TECTA: variants seen among roughly 807,000 people sequenced by gnomAD.
The protein encoded by TECTA is tectorin alpha.
TECTA carries 128 observed loss-of-function variants against 216.8 expected under a neutral mutation model. The ratio of observed to expected loss-of-function variants is 0.59; its 90% CI spans 0.51 to 0.68. The LOEUF (loss-of-function observed/expected upper bound fraction) is 0.68, where lower values mean the gene tolerates loss of function less well. Ranked by LOEUF, TECTA falls within the 30% of genes least tolerant of loss-of-function variation. The pLI, the probability that TECTA is intolerant of heterozygous loss-of-function variation, is 0.00. For synonymous variants in TECTA, 1,089 were observed against 1,117.1 expected (o/e 0.97, Z 0.50); for missense variants, 2,551 against 2,786.2 (o/e 0.92, Z 1.90).
Position 121,191,229 on chromosome 11 carries a change from T to C in TECTA, c.*423T>C. 3.5e-6 allele frequency: 1 copy of C among 287,980 alleles called. No homozygotes were observed. Among genetic ancestry groups the C allele is most frequent in the Middle Eastern group, 1.2e-3 (1 of 808 alleles). The allele number at this position is 287,980 out of a possible 1,614,324, so 17.8% of individuals were successfully genotyped here. A position where few individuals can be genotyped will look rare whatever the true frequency, so the allele number is the denominator to read the frequency against. The stretch of plus-strand genomic sequence containing the variant: ...GATTTTGAAGTGATGACTGGAAGGT[T>C]TGACTCCCTCTAAGGAATCTTGCTG... On this transcript the variant is annotated 3_prime_UTR_variant, in exon 24 of 24. Transcript: ENST00000392793.
rs375736414 is a variant in TECTA at position 121,118,684 on chromosome 11, T to C, written c.1169T>C (p.Ile390Thr). 1.4e-5 allele frequency: 23 copies of C among 1,613,822 alleles called. No individual in the cohort carries two copies. Among genetic ancestry groups the C allele is most frequent in the Non-Finnish European group, 1.9e-5 (23 of 1,180,032 alleles). ...TCAGTGGAGGTGAATGGCTACAAGA[T>C]TCTCATCCCCAAAGGAAGCTATGGA... is the stretch of plus-strand genomic sequence containing the variant. ...ELSVEVNGYK[I>T]LIPKGSYGRV... The change falls in exon 7 of 24, where the codon ATT becomes ACT. Residue 390 changes from isoleucine to threonine, a missense_variant. Transcript: ENST00000392793.
chr11:121,130,441 C>G (rs1364500223), intron 10 of TECTA, among the ~76,000 whole-genome samples: 1 of 152,198 alleles, frequency 6.6e-6, no homozygotes, highest in African/African-American at 2.4e-5. Flanking sequence ...CACTGCAGAA[C>G]AATTAACCAT....
chr11:121,129,758 A>G lies in TECTA; in HGVS notation c.2488A>G (p.Ile830Val), dbSNP rs1035560730. 1 of 1,614,236 alleles carries G rather than the reference A, an allele frequency of 6.2e-7. No individual in the cohort carries two copies. Among genetic ancestry groups the G allele is most frequent in the African/African-American group, 1.3e-5 (1 of 75,058 alleles). The stretch of plus-strand genomic sequence containing the variant: ...CGTGGTGACTGTCCAGTACTCAGAC[A>G]TAGGTCTATTGTACATCCGGCTGTC... Reference protein sequence around the residue: ...KGVVTVQYSDIGLLYIRLSTT... With the variant: ...KGVVTVQYSDVGLLYIRLSTT... The change falls in exon 10 of 24, where the codon ATA (isoleucine) becomes GTA (valine). Residue 830 changes from isoleucine (I) to valine (V), a missense_variant. Physicochemically the swap from Ile to Val is conservative, Grantham distance 29 (BLOSUM62 3). Transcript: ENST00000392793.
chr11:121,140,416 C>T (rs1322069596), intron 11 of TECTA, among the ~76,000 whole-genome samples: 1 of 152,204 alleles, frequency 6.6e-6, no homozygotes, highest in African/African-American at 2.4e-5. Flanking sequence ...GCCCCAATCT[C>T]ACGAGATGCA....
Position 121,191,006 on chromosome 11 carries a change from C to CA in TECTA, c.*202dup. ...TTCAGAGTATGAAACGGGGCTTCTACAAGCCAGTTATGGAAAGTATCTCTC... is the reference window on the plus strand; with the variant it reads ...TTCAGAGTATGAAACGGGGCTTCTACAAAGCCAGTTATGGAAAGTATCTCTC... On this transcript the variant is annotated 3_prime_UTR_variant, in exon 24 of 24. Transcript: ENST00000392793. The CA allele has an allele frequency of 2.0e-6, 1 of 512,142 alleles. No individual in the cohort carries two copies. Among genetic ancestry groups the CA allele is most frequent in the South Asian group, 2.0e-5 (1 of 49,400 alleles). The allele number at this position is 512,142 out of a possible 1,614,324, so 31.7% of individuals were successfully genotyped here. A position where few individuals can be genotyped will look rare whatever the true frequency, so the allele number is the denominator to read the frequency against.
intron 7 of TECTA, among the ~76,000 whole-genome samples, chr11:121,119,328 C>A (rs1946534868): frequency 6.6e-6 from 1 of 152,146 alleles, no homozygotes; most frequent in Non-Finnish European, 1.5e-5. Flanking sequence ...TGGGAAAGTC[C>A]CATGAAAGCT....
Position 121,137,521 on chromosome 11 carries a change from T to C in TECTA, c.3042T>C (p.Ser1014=), listed in dbSNP as rs1421449135. 6.2e-7 allele frequency: 1 copy of C among 1,613,932 alleles called. No individual in the cohort carries two copies. Among genetic ancestry groups the C allele is most frequent in the Non-Finnish European group, 8.5e-7 (1 of 1,179,956 alleles). Reference sequence around the variant, plus strand: ...GCCCCATCTGCGTGGATAGCTGCTCTGAGGGATGTCAGTGTGATGAGGGCT... The same window carrying C: ...GCCCCATCTGCGTGGATAGCTGCTCCGAGGGATGTCAGTGTGATGAGGGCT... ...TLGPICVDSC[S]EGCQCDEGYA... is the part of the protein sequence containing the mutation. The change falls in exon 11 of 24, where the codon TCT becomes TCC. Residue 1014 remains serine (S), a synonymous_variant. Coordinates refer to ENST00000392793, the MANE Select transcript of TECTA (RefSeq NM_005422.4).
chr11:121,116,164 A>T (rs1946499404), intron 6 of TECTA, among the ~76,000 whole-genome samples: 1 of 152,212 alleles, frequency 6.6e-6, no homozygotes, highest in African/African-American at 2.4e-5. Flanking sequence ...AGCTGGTATT[A>T]ACTGGATAGG....
At chr11:121,157,768 A>AGG in intron 13 of TECTA, 73 bp from the exon 14 acceptor site, 2 of 1,607,820 alleles carry the variant, frequency 1.2e-6, no homozygotes, top group Non-Finnish European at 1.7e-6. Flanking sequence ...ATAAAAGACG[A>AGG]GGGGGACTGG....
chr11:121,152,684 C>G (rs1387945338), intron 12 of TECTA, among the ~76,000 whole-genome samples, 197 bp from the exon 13 acceptor site: 2 of 152,092 alleles, frequency 1.3e-5, no homozygotes, highest in Non-Finnish European at 2.9e-5. Context: ...CATGTTGGCC[C>G]TTTATTTAAG....
At chr11:121,120,624 G>A (rs369150750) in intron 7 of TECTA, among the ~76,000 whole-genome samples, 88 of 152,332 alleles carry the variant, frequency 5.8e-4, no homozygotes, top group African/African-American at 2.0e-3. Context: ...GCTGGGATTA[G>A]GAGCTGGGTT....
chr11:121,179,458 G>T lies in TECTA; in HGVS notation c.6000-8374G>T, dbSNP rs765647519. Among the ~76,000 whole-genome samples the T allele has an allele frequency of 9.2e-5, 14 of 152,080 alleles. 1 individual carries two copies. Among genetic ancestry groups the T allele is most frequent in the Non-Finnish European group, 2.9e-5 (2 of 67,974 alleles). ...GACTTGGTTTTTGGCCTAACATACGGTCTATCTTGGAAAATATTCTGTGTA... is the reference window on the plus strand; with the variant it reads ...GACTTGGTTTTTGGCCTAACATACGTTCTATCTTGGAAAATATTCTGTGTA... On this transcript the variant is annotated intron_variant, in intron 20 of 23. Coordinates refer to ENST00000392793, the MANE Select transcript of TECTA (RefSeq NM_005422.4).
At chr11:121,126,015 G>A (rs1946608527) in intron 8 of TECTA, 143 bp downstream of exon 8, 7 of 1,026,904 alleles carry the variant, frequency 6.8e-6, no homozygotes, top group African/African-American at 3.2e-5. Flanking sequence ...TACAAAGAAC[G>A]AATTGTGAAA....
chr11:121,161,022 T>A (rs75618086), intron 15 of TECTA, among the ~76,000 whole-genome samples: 18,562 of 152,250 alleles, frequency 0.12, 1,574 homozygotes, highest in South Asian at 0.33. Context: ...TGGATACCTT[T>A]CTGGATCTGT....
chr11:121,118,418 C>T lies in TECTA; in HGVS notation c.903C>T (p.Pro301=). Residue 301 remains proline (P), a synonymous_variant, in exon 7 of 24, where the codon CCC becomes CCT. Transcript: ENST00000392793. ...ACTGCCAGGAGGCTTCCTGTAGCCC[C>T]TACGAGGTGTGCGAACCCAAAGGCA... The part of the protein sequence containing the change: ...EIYCQEASCS[P]YEVCEPKGKF... 6.2e-7 allele frequency: 1 copy of T among 1,614,180 alleles called. No individual in the cohort carries two copies. The highest frequency in any genetic ancestry group is 8.5e-7 in the Non-Finnish European group (1 of 1,180,038).
At chr11:121,130,281 G>T in intron 10 of TECTA, 70 bp downstream of exon 10, 1 of 1,548,934 alleles carries the variant, frequency 6.5e-7, no homozygotes, top group South Asian at 1.2e-5. Context: ...GCCTTACTCA[G>T]GACTTCCCTT....
intron 11 of TECTA, among the ~76,000 whole-genome samples, chr11:121,144,410 G>A (rs140492111): frequency 2.5e-3 from 386 of 152,300 alleles, no homozygotes; most frequent in African/African-American, 9.0e-3. Flanking sequence ...CTGAACCAAG[G>A]GAGGAGCAGT....
intron 20 of TECTA, among the ~76,000 whole-genome samples, chr11:121,178,466 A>G (rs1947191742): frequency 6.7e-6 from 1 of 148,510 alleles, no homozygotes; most frequent in Non-Finnish European, 1.5e-5. Context: ...TCAGTTTGCT[A>G]GTATTTTCTT....
chr11:121,187,704 C>A lies in TECTA; in HGVS notation c.6000-128C>A, dbSNP rs935632606. Reference sequence around the variant, plus strand: ...GCCCATGCAGTCCAGGGGTCACTTTCAAATGTAAAGGCATTTCTGCCATTT... The same window carrying A: ...GCCCATGCAGTCCAGGGGTCACTTTAAAATGTAAAGGCATTTCTGCCATTT... On this transcript the variant is annotated intron_variant, in intron 20 of 23. Coordinates refer to ENST00000392793, the MANE Select transcript of TECTA (RefSeq NM_005422.4). The A allele has an allele frequency of 3.0e-6, 3 of 1,005,992 alleles. No individual in the cohort carries two copies. The Admixed American group carries it at 5.6e-5, about 19-fold the overall frequency. The allele number at this position is 1,005,992 out of a possible 1,614,324, so 62.3% of individuals were successfully genotyped here.
Sources: allele counts gnomAD v4.1 joint callset (sites outside exome capture counted in the v4.1 genomes callset), GRCh38; gene constraint gnomAD v4.1.1; transcripts MANE v1.5; gene names NCBI Gene and HGNC (gene_info 2026-07-23, HGNC 2026-07-21).